The following ABCC8 variants were observed in gnomAD, a reference collection of about 807,000 sequenced individuals.
ABCC8 encodes the protein ATP-binding cassette sub-family C member 8.
Under a neutral mutation model 188.0 loss-of-function variants are expected in ABCC8, and 137 were observed. That is an observed-to-expected ratio of 0.73 (90% confidence interval 0.63 to 0.84). ABCC8 has a LOEUF of 0.84. Ranked by LOEUF, ABCC8 falls within the 40% of genes least tolerant of loss-of-function variation. The probability of loss-of-function intolerance (pLI) is 0.00; values close to 1 mark genes in which losing one functional copy is unlikely to be tolerated. For synonymous variants in ABCC8, 797 were observed against 846.5 expected (o/e 0.94, Z 1.01); for missense variants, 1,750 against 2,072.7 (o/e 0.84, Z 3.02).
intron 10 of ABCC8, among the ~76,000 whole-genome samples, chr11:17,436,431 C>T (rs1304665333): frequency 6.6e-6 from 1 of 152,080 alleles, no homozygotes; most frequent in East Asian, 1.9e-4. Flanking sequence ...TTTTCCTGAA[C>T]CACATAAAGT....
At chr11:17,411,978 C>T (rs936685170) in intron 21 of ABCC8, among the ~76,000 whole-genome samples, 18 of 151,090 alleles carry the variant, frequency 1.2e-4, no homozygotes, top group East Asian at 1.9e-4. Flanking sequence ...CTGCAAGCTC[C>T]GCCTCCCGGG....
chr11:17,446,707 G>T (rs916859584), intron 8 of ABCC8, among the ~76,000 whole-genome samples: 2 of 152,188 alleles, frequency 1.3e-5, no homozygotes, highest in South Asian at 2.1e-4. Flanking sequence ...GCATGGGTAG[G>T]TGGTAATGGG....
intron 16 of ABCC8, among the ~76,000 whole-genome samples, chr11:17,425,960 T>C (rs1164833309): frequency 6.6e-6 from 1 of 152,080 alleles, no homozygotes; most frequent in Non-Finnish European, 1.5e-5. Flanking sequence ...CCTGTGTGAG[T>C]TTGCTGAGAA....
intron 16 of ABCC8, among the ~76,000 whole-genome samples, chr11:17,420,755 C>T (rs928515649): frequency 6.6e-6 from 1 of 152,320 alleles, no homozygotes; most frequent in East Asian, 1.9e-4. Context: ...CTGCTGACCC[C>T]CCGGGGGCAT....
rs376501920 is a variant in ABCC8, at chr11:17,432,431, C to G, written c.1631-187G>C. ...TCCTCACCCCATTTCCCTCAGGACTCTTGTCCCAGGTACCCCGGCCCCCGA... is the reference window on the plus strand; with the variant it reads ...TCCTCACCCCATTTCCCTCAGGACTGTTGTCCCAGGTACCCCGGCCCCCGA... On this transcript the variant is annotated intron_variant, in intron 10 of 38. Transcript: ENST00000389817. The G allele has an allele frequency of 5.0e-5, 65 of 1,304,514 alleles. No homozygotes were observed. The East Asian group carries it at 6.1e-4, about 12-fold the overall frequency. 80.8% of individuals were successfully genotyped at this position (1,304,514 alleles called of 1,614,324 possible).
chr11:17,473,835 T>C (rs182952848), intron 2 of ABCC8, among the ~76,000 whole-genome samples: 163 of 152,258 alleles, frequency 1.1e-3, no homozygotes, highest in Middle Eastern at 6.8e-3. Context: ...GCTGATGACA[T>C]CTCTCTTCTG....
chr11:17,442,614 A>G, intron 10 of ABCC8, 106 bp downstream of exon 10: 2 of 1,158,102 alleles, frequency 1.7e-6, no homozygotes, highest in Non-Finnish European at 2.6e-6. Flanking sequence ...GGATAATCTC[A>G]AGGCCTCCTG....
chr11:17,464,240 A>C (rs111553853), intron 3 of ABCC8, among the ~76,000 whole-genome samples: 28 of 152,350 alleles, frequency 1.8e-4, no homozygotes, highest in African/African-American at 6.0e-4. Context: ...ACCTTGCCCA[A>C]GTGCACTGGC....
chr11:17,398,360 G>T lies in ABCC8; in HGVS notation c.3732C>A (p.Asn1244Lys), dbSNP rs763659404. ...NIASLFLTAA[N>K]RWLEVRMEYI... ...TTGCCATTCGGACTTCCAGCCATCT[G>T]TTGGCAGCTGTGAGGAAGAGGGAAG... The change falls in exon 30 of 39, where the codon AAC becomes AAA. Residue 1244 changes from asparagine (N) to lysine (K), a missense_variant. Coordinates refer to ENST00000389817, the MANE Select transcript of ABCC8 (RefSeq NM_000352.6). 1 of 1,614,080 alleles carries T rather than the reference G, an allele frequency of 6.2e-7. No individual in the cohort carries two copies. The highest frequency in any genetic ancestry group is 1.3e-5 in the African/African-American group (1 of 74,928).
At chr11:17,439,927 C>A (rs1297325027) in intron 10 of ABCC8, among the ~76,000 whole-genome samples, 1 of 151,570 alleles carries the variant, frequency 6.6e-6, no homozygotes. Flanking sequence ...CTCTGGGGGA[C>A]AATGAGCACC....
chr11:17,422,255 G>A (rs540842305), intron 16 of ABCC8, among the ~76,000 whole-genome samples: 5 of 152,260 alleles, frequency 3.3e-5, no homozygotes, highest in South Asian at 4.1e-4. Context: ...TAATTGAGTC[G>A]TATCTGCCTA....
chr11:17,465,976 C>T (rs573143485), intron 3 of ABCC8, among the ~76,000 whole-genome samples: 14 of 152,096 alleles, frequency 9.2e-5, no homozygotes, highest in African/African-American at 2.7e-4. Flanking sequence ...CACTGACAGA[C>T]GAATAGATAA....
intron 26 of ABCC8, 73 bp downstream of exon 26, chr11:17,406,549 A>G: frequency 6.9e-7 from 1 of 1,447,968 alleles, no homozygotes; most frequent in Admixed American, 2.0e-5. Flanking sequence ...TCCCCATTTT[A>G]TAGATGGGAA....
intron 16 of ABCC8, among the ~76,000 whole-genome samples, chr11:17,417,513 T>C (rs1238666013): frequency 6.6e-6 from 1 of 152,202 alleles, no homozygotes; most frequent in South Asian, 2.1e-4. Context: ...TTTTGATAAC[T>C]TAAAAAACAC....
chr11:17,407,223 G>T, intron 24 of ABCC8, 94 bp from the exon 25 acceptor site: 1 of 1,605,452 alleles, frequency 6.2e-7, no homozygotes, highest in East Asian at 2.2e-5. Flanking sequence ...AGGGGACAAC[G>T]GGGGCACACA....
intron 33 of ABCC8, 34 bp from the exon 34 acceptor site, chr11:17,395,964 C>G (rs749573085): frequency 6.4e-7 from 1 of 1,555,304 alleles, no homozygotes; most frequent in African/African-American, 1.4e-5. Flanking sequence ...GCCACTGGGA[C>G]TCTGGGGCTG....
chr11:17,442,043 G>A (rs1383950202), intron 10 of ABCC8, among the ~76,000 whole-genome samples: 1 of 152,098 alleles, frequency 6.6e-6, no homozygotes, highest in East Asian at 1.9e-4. Flanking sequence ...TTTTGCCACT[G>A]CACTCCAGCC....
At chr11:17,396,382 C>G in intron 33 of ABCC8, 1 of 324,018 alleles carries the variant, frequency 3.1e-6, no homozygotes, top group Non-Finnish European at 6.0e-6. Context: ...AATACGGAGA[C>G]AGATAGTGAC....
Position 17,427,528 on chromosome 11 carries a change from C to A in ABCC8, c.2116+339G>T, listed in dbSNP as rs574613785. 6.6e-6 allele frequency among the ~76,000 whole-genome samples: 1 copy of A among 152,324 alleles called. No individual in the cohort carries two copies. The highest frequency in any genetic ancestry group is 1.9e-4 in the East Asian group (1 of 5,172). The stretch of plus-strand genomic sequence containing the variant: ...TGCCTCTGCCAGAAAATCCTCCTGC[C>A]TCATGGCCTCAGGGCCTTTGTCCAT... On this transcript the variant is annotated intron_variant, in intron 15 of 38. Transcript: ENST00000389817. The surrounding 1 kb of genome is among the most constrained non-coding windows in gnomAD (Gnocchi z 5.0).
Sources: allele counts gnomAD v4.1 joint callset (sites outside exome capture counted in the v4.1 genomes callset), GRCh38; gene constraint gnomAD v4.1.1; non-coding constraint Gnocchi (gnomAD v3.1); transcripts MANE v1.5; gene names NCBI Gene and HGNC (gene_info 2026-07-23, HGNC 2026-07-21).